The following EHMT1 variants were observed in gnomAD, a reference collection of about 807,000 sequenced individuals.
EHMT1 encodes histone-lysine N-methyltransferase EHMT1.
A neutral mutation model predicts 147.2 loss-of-function variants in EHMT1; 15 were observed. The observed-to-expected ratio is 0.10, with a 90% CI of 0.07 to 0.16. EHMT1 has a LOEUF of 0.16. Among genes scored for constraint, EHMT1 ranks in the 10% least tolerant of loss-of-function variants. The pLI, the probability that EHMT1 is intolerant of heterozygous loss-of-function variation, is 1.00. For synonymous variants in EHMT1, 795 were observed against 709.6 expected, an observed-to-expected ratio of 1.12 and a Z score of -1.91; for missense variants, 1,587 against 1,772.4, an observed-to-expected ratio of 0.90 and a Z score of 1.88.
chr9:137,725,179 T>C (rs1267857634), intron 3 of EHMT1, among the ~76,000 whole-genome samples: 1 of 149,192 alleles, frequency 6.7e-6, no homozygotes, highest in African/African-American at 2.5e-5. Flanking sequence ...GTGGCAGGCA[T>C]GTCAGACGTG....
Position 137,778,026 on chromosome 9 carries a change from G to A in EHMT1, c.2163G>A (p.Glu721=). Residue 721 remains glutamate, a synonymous_variant, in exon 13 of 27, where the codon GAG becomes GAA. Coordinates refer to ENST00000460843, the MANE Select transcript of EHMT1 (RefSeq NM_024757.5). The stretch of plus-strand genomic sequence containing the variant: ...AGGGACCAGGGAAGGAAACCTTGGA[G>A]AGCGCTCTCATCGCCCTCGACTCGG... ...LSQGPGKETL[E]SALIALDSEK... 6.2e-7 allele frequency: 1 copy of A among 1,613,908 alleles called. No homozygotes were observed. Among genetic ancestry groups the A allele is most frequent in the Non-Finnish European group, 8.5e-7 (1 of 1,180,028 alleles).
intron 10 of EHMT1, among the ~76,000 whole-genome samples, chr9:137,767,434 A>G (rs564679885): frequency 6.6e-6 from 1 of 152,320 alleles, no homozygotes; most frequent in East Asian, 1.9e-4. Flanking sequence ...CACTTACTCA[A>G]AATGCTTGGG....
Position 137,815,783 on chromosome 9 carries a change from G to A in EHMT1, c.3259-164G>A, listed in dbSNP as rs966458066. ...TGGGTGGAGGCTTCTCATCCAAACC[G>A]TACACATGGAGTTTTTCCCTAGGTG... On this transcript the variant is annotated intron_variant, in intron 22 of 26. Transcript: ENST00000460843. 5.8e-5 allele frequency: 40 copies of A among 690,632 alleles called. 1 individual carries two copies. The highest frequency in any genetic ancestry group is 6.5e-4 in the Middle Eastern group (2 of 3,086). The allele number at this position is 690,632 out of a possible 1,614,324, so 42.8% of individuals were successfully genotyped here. A position where few individuals can be genotyped will look rare whatever the true frequency, so the allele number is the denominator to read the frequency against.
intron 3 of EHMT1, among the ~76,000 whole-genome samples, chr9:137,726,337 C>T (rs1320854129): frequency 6.6e-6 from 1 of 152,218 alleles, no homozygotes; most frequent in Non-Finnish European, 1.5e-5. Context: ...AGTTGGACGA[C>T]TCTAGGGACC....
chr9:137,780,434 TGTGTG>T (rs1317620816), intron 14 of EHMT1, among the ~76,000 whole-genome samples: 18 of 121,564 alleles, frequency 1.5e-4, no homozygotes, highest in Admixed American at 5.6e-4. Flanking sequence ...GACGCTGAGA[TGTGTG>T]GTGATGACGG....
At position 137,721,550 on chromosome 9, in the gene EHMT1, C is replaced by T. The variant is rs575333306; in HGVS notation, c.642+4368C>T. ...CTCTCACCCTCTCCCACGCCTCTCA[C>T]CTTCTCCCACGCCTCTCATCCTCTC... On this transcript the variant is annotated intron_variant, in intron 3 of 26. Coordinates refer to ENST00000460843, the MANE Select transcript of EHMT1 (RefSeq NM_024757.5). Among the ~76,000 whole-genome samples, 100 of 134,356 alleles carry T rather than the reference C, an allele frequency of 7.4e-4. 1 individual carries two copies. The highest frequency in any genetic ancestry group is 2.7e-3 in the African/African-American group (95 of 34,558). 88.1% of individuals were successfully genotyped at this position (134,356 alleles called of 152,430 possible). A position where few individuals can be genotyped will look rare whatever the true frequency, so the allele number is the denominator to read the frequency against.
intron 12 of EHMT1, among the ~76,000 whole-genome samples, chr9:137,777,672 T>C (rs1159246764): frequency 1.3e-5 from 2 of 152,190 alleles, no homozygotes; most frequent in South Asian, 4.2e-4. Flanking sequence ...GAGAGTGTAT[T>C]TGAACACGCT....
intron 1 of EHMT1, among the ~76,000 whole-genome samples, chr9:137,649,655 AG>A (rs1263122188): frequency 1.3e-5 from 2 of 152,144 alleles, no homozygotes; most frequent in African/African-American, 4.8e-5. Context: ...ACACAGACTC[AG>A]GGAAGAAGCC....
At position 137,787,359 on chromosome 9, in the gene EHMT1, G is replaced by C. The variant is rs1350507740; in HGVS notation, c.2383-3489G>C. ...TGCATCTGCCATTCGGTGACGGCTG[G>C]TGACGGATGGATGGGTAGTGGGCTG... On this transcript the variant is annotated intron_variant, in intron 15 of 26. Transcript: ENST00000460843. This position sits in a 1 kb window ranked among gnomAD's most constrained non-coding sequence, Gnocchi z 4.2. 1.3e-5 allele frequency among the ~76,000 whole-genome samples: 2 copies of C among 152,100 alleles called. No homozygotes were observed. The highest frequency in any genetic ancestry group is 2.9e-5 in the Non-Finnish European group (2 of 68,040).
intron 16 of EHMT1, among the ~76,000 whole-genome samples, chr9:137,793,872 C>T (rs180720126): frequency 1.3e-5 from 2 of 152,084 alleles, no homozygotes; most frequent in East Asian, 3.9e-4. Context: ...CTGGAGATTC[C>T]CTGGGGCTGG....
At position 137,782,104 on chromosome 9, in the gene EHMT1, G is replaced by T. The variant is rs931366160; in HGVS notation, c.2276-187G>T. Among the ~76,000 whole-genome samples, 1 of 152,122 alleles carries T rather than the reference G, an allele frequency of 6.6e-6. No individual in the cohort carries two copies. The highest frequency in any genetic ancestry group is 2.4e-5 in the African/African-American group (1 of 41,412). The stretch of plus-strand genomic sequence containing the variant: ...CAGAGGGACCTGCCTGTTCAATTCC[G>T]CAGGAGACTAGCACACTCAAGTCTC... On this transcript the variant is annotated intron_variant, in intron 14 of 26. Transcript: ENST00000460843. The surrounding 1 kb of genome is among the most constrained non-coding windows in gnomAD (Gnocchi z 5.7).
intron 2 of EHMT1, among the ~76,000 whole-genome samples, chr9:137,712,493 G>A (rs1482536146): frequency 6.6e-6 from 1 of 152,204 alleles, no homozygotes; most frequent in Non-Finnish European, 1.5e-5. Context: ...CGGGTGGGAA[G>A]TGGCATCTCA....
chr9:137,671,255 CT>C (rs1564566230), intron 1 of EHMT1, among the ~76,000 whole-genome samples: 1 of 152,014 alleles, frequency 6.6e-6, no homozygotes, highest in Non-Finnish European at 1.5e-5. Context: ...AAAAAGTTAA[CT>C]TGGTTATTTC....
In EHMT1 at chr9:137,776,510, T is replaced by C. The variant is rs1950972169; in HGVS notation, c.1792-108T>C. On this transcript the variant is annotated intron_variant, in intron 11 of 26. Coordinates refer to ENST00000460843, the MANE Select transcript of EHMT1 (RefSeq NM_024757.5). This position sits in a 1 kb window ranked among gnomAD's most constrained non-coding sequence, Gnocchi z 4.4. ...GACCCCACCCCGACCCATGGCTCAC[T>C]CTGCAGACCGCCCGATGTGGGATGC... The C allele has an allele frequency of 3.5e-6, 4 of 1,144,058 alleles. No individual in the cohort carries two copies. The highest frequency in any genetic ancestry group is 3.8e-6 in the Non-Finnish European group (3 of 784,622). The allele number at this position is 1,144,058 out of a possible 1,614,324, so 70.9% of individuals were successfully genotyped here.
intron 4 of EHMT1, among the ~76,000 whole-genome samples, chr9:137,734,112 G>C (rs1947337871): frequency 6.6e-6 from 1 of 152,154 alleles, no homozygotes; most frequent in South Asian, 2.1e-4. Context: ...AGGAAGGTAT[G>C]GCCCAATCAG....
At chr9:137,770,232 CCCT>C (rs1950506301) in intron 10 of EHMT1, among the ~76,000 whole-genome samples, 1 of 152,126 alleles carries the variant, frequency 6.6e-6, no homozygotes, top group African/African-American at 2.4e-5. Context: ...CTCTTCAATG[CCCT>C]CCTCTTTTTT....
At chr9:137,801,875 T>C (rs1953521738) in intron 18 of EHMT1, among the ~76,000 whole-genome samples, 1 of 152,190 alleles carries the variant, frequency 6.6e-6, no homozygotes, top group South Asian at 2.1e-4. Context: ...TCAGGTGATC[T>C]GCCCACCTCA....
chr9:137,827,660 C>A (rs1440126664), intron 25 of EHMT1, among the ~76,000 whole-genome samples: 1 of 152,216 alleles, frequency 6.6e-6, no homozygotes, highest in African/African-American at 2.4e-5. Flanking sequence ...GCCCATTCCC[C>A]ACTGACTGCC....
intron 3 of EHMT1, among the ~76,000 whole-genome samples, chr9:137,718,045 G>A (rs1945524977): frequency 6.7e-6 from 1 of 149,306 alleles, no homozygotes; most frequent in Admixed American, 6.7e-5. Flanking sequence ...TTCACACGCA[G>A]GGTGCGCCCA....
Sources: gnomAD v4.1 joint callset for allele counts (sites outside exome capture counted in the v4.1 genomes callset) on GRCh38, gnomAD v4.1.1 for gene constraint, Gnocchi (gnomAD v3.1) non-coding constraint, MANE v1.5 for transcripts, NCBI Gene and HGNC (gene_info 2026-07-23, HGNC 2026-07-21) for gene names.